The following PIK3CG variants were observed in gnomAD, a reference collection of about 807,000 sequenced individuals.
PIK3CG encodes the protein phosphatidylinositol-4,5-bisphosphate 3-kinase catalytic subunit gamma.
Under a neutral mutation model 102.3 loss-of-function variants are expected in PIK3CG, and 55 were observed. The observed-to-expected ratio is 0.54, with a 90% confidence interval of 0.43 to 0.67. The LOEUF is 0.67. Among genes scored for constraint, PIK3CG ranks in the 30% least tolerant of loss-of-function variants. PIK3CG has a pLI of 0.00. For synonymous variants in PIK3CG, 552 were observed against 540.0 expected, an observed-to-expected ratio of 1.02 and a Z score of -0.31; for missense variants, 1,258 against 1,391.8, an observed-to-expected ratio of 0.90 and a Z score of 1.53.
intron 10 of PIK3CG, among the ~76,000 whole-genome samples, chr7:106,889,104 T>C (rs1258346143): frequency 1.3e-5 from 2 of 152,106 alleles, no homozygotes; most frequent in Non-Finnish European, 2.9e-5. Flanking sequence ...AGGTAATATA[T>C]AAAACAAAGT....
In PIK3CG at chr7:106,895,347, A is replaced by G. The variant is rs376529812; in HGVS notation, c.3030+9055A>G. Among the ~76,000 whole-genome samples the G allele has an allele frequency of 3.1e-4, 47 of 152,218 alleles. No individual in the cohort carries two copies. Among genetic ancestry groups the G allele is most frequent in the Non-Finnish European group, 6.0e-4 (41 of 68,034 alleles). ...CCTGAGCTCCCCAGGCCACATCCTC[A>G]TAGTCCCTGAAACCACAGGCCTCTA... On this transcript the variant is annotated intron_variant, in intron 10 of 10. Transcript: ENST00000496166. The surrounding 1 kb of genome is among the most constrained non-coding windows in gnomAD (Gnocchi z 5.4).
In PIK3CG at chr7:106,903,910, C is replaced by G. The variant is rs1002876529; in HGVS notation, c.3031-1199C>G. 6.6e-6 allele frequency among the ~76,000 whole-genome samples: 1 copy of G among 151,946 alleles called. No homozygotes were observed. Among genetic ancestry groups the G allele is most frequent in the African/African-American group, 2.4e-5 (1 of 41,382 alleles). ...AGTAACTGGGATTACAGACACATGC[C>G]ACCACACCCAGCTAATTTTTTTGTA... On this transcript the variant is annotated intron_variant, in intron 10 of 10. Transcript: ENST00000496166. This position sits in a 1 kb window ranked among gnomAD's most constrained non-coding sequence, Gnocchi z 4.3.
rs763054776 is a variant in PIK3CG at position 106,880,284 on chromosome 7, T to A, written c.2538+619T>A. 7.2e-5 allele frequency among the ~76,000 whole-genome samples: 11 copies of A among 152,248 alleles called. No homozygotes were observed. The highest frequency in any genetic ancestry group is 1.5e-4 in the Non-Finnish European group (10 of 68,044). On this transcript the variant is annotated intron_variant, in intron 6 of 10. Transcript: ENST00000496166. This position sits in a 1 kb window ranked among gnomAD's most constrained non-coding sequence, Gnocchi z 4.2. The stretch of plus-strand genomic sequence containing the variant: ...TTCTCCAGATTCTAGTTGGTCAGTG[T>A]TGTAGAGGTAATAATTTCTAATACT...
chr7:106,903,175 T>TA lies in PIK3CG; in HGVS notation c.3031-1933dup, dbSNP rs1450584459. ...CTTGTCTTTTTGGGAGAAGACTACT[T>TA]ACTGGTTCGCACTGTTTTTAATAAT... is the stretch of plus-strand genomic sequence containing the variant. On this transcript the variant is annotated intron_variant, in intron 10 of 10. Coordinates refer to ENST00000496166, the MANE Select transcript of PIK3CG (RefSeq NM_001282426.2). This position sits in a 1 kb window ranked among gnomAD's most constrained non-coding sequence, Gnocchi z 4.3. 6.6e-6 allele frequency among the ~76,000 whole-genome samples: 1 copy of TA among 152,142 alleles called. No homozygotes were observed. Among genetic ancestry groups the TA allele is most frequent in the African/African-American group, 2.4e-5 (1 of 41,452 alleles).
At chr7:106,873,715 A>G (rs1047768534) in intron 4 of PIK3CG, among the ~76,000 whole-genome samples, 2 of 150,454 alleles carry the variant, frequency 1.3e-5, no homozygotes, top group Admixed American at 1.3e-4. Context: ...ACGACTCTGT[A>G]TCTGTGTGTG....
chr7:106,883,217 T>C lies in PIK3CG; in HGVS notation c.2760+54T>C. ...GGCTCCTTACAAGTTGTCATTTATA[T>C]AGCAGTAGTGGCTTCAAGTTTTCAG... On this transcript the variant is annotated intron_variant, in intron 8 of 10. Coordinates refer to ENST00000496166, the MANE Select transcript of PIK3CG (RefSeq NM_001282426.2). This position sits in a 1 kb window ranked among gnomAD's most constrained non-coding sequence, Gnocchi z 5.8. The C allele has an allele frequency of 6.3e-7, 1 of 1,591,492 alleles. No homozygotes were observed.
rs1294244609 is a variant in PIK3CG, at chr7:106,894,246, A to T, written c.3030+7954A>T. On this transcript the variant is annotated intron_variant, in intron 10 of 10. Transcript: ENST00000496166. The surrounding 1 kb of genome is among the most constrained non-coding windows in gnomAD (Gnocchi z 4.4). ...TTGGAACAAGGCTGAAGGATAAATCACACACACACACACAGACACACACAC... is the reference window on the plus strand; with the variant it reads ...TTGGAACAAGGCTGAAGGATAAATCTCACACACACACACAGACACACACAC... Among the ~76,000 whole-genome samples, 1 of 151,330 alleles carries T rather than the reference A, an allele frequency of 6.6e-6. No homozygotes were observed. The highest frequency in any genetic ancestry group is 1.9e-4 in the East Asian group (1 of 5,180).
rs2116433747 is a variant in PIK3CG, at chr7:106,868,213, A to T, written c.652A>T (p.Asn218Tyr). The change falls in exon 2 of 11, where the codon AAC becomes TAC. Residue 218 changes from asparagine (N) to tyrosine (Y), a missense_variant. This residue lies in a region of PIK3CG where 832 missense variants were observed against 787.5 expected (regional missense o/e 1.06). Coordinates refer to ENST00000496166, the MANE Select transcript of PIK3CG (RefSeq NM_001282426.2). The surrounding 1 kb of genome is among the most constrained non-coding windows in gnomAD (Gnocchi z 6.2). ...PEYLWKKIAN[N>Y]CIFIVIHRST... ...GTACCTGTGGAAGAAGATTGCCAAC[A>T]ACTGCATCTTCATCGTCATTCACCG... 1 of 1,612,512 alleles carries T rather than the reference A, an allele frequency of 6.2e-7. No individual in the cohort carries two copies. The highest frequency in any genetic ancestry group is 1.3e-5 in the African/African-American group (1 of 75,042).
chr7:106,875,811 T>C (rs1217290447), intron 5 of PIK3CG, among the ~76,000 whole-genome samples: 1 of 152,182 alleles, frequency 6.6e-6, no homozygotes, highest in African/African-American at 2.4e-5. Context: ...ATACCATTTT[T>C]CCAAAGTGGT....
At position 106,867,882 on chromosome 7, in the gene PIK3CG, C is replaced by G. The variant is rs1371998955; in HGVS notation, c.321C>G (p.Tyr107Ter). ...LLLYQKKGQW[Y>*]EIYDKYQVVQ... Reference sequence around the variant, plus strand: ...TCTATCAGAAGAAGGGGCAGTGGTACGAGATCTACGACAAGTACCAGGTGG... The same window carrying G: ...TCTATCAGAAGAAGGGGCAGTGGTAGGAGATCTACGACAAGTACCAGGTGG... The change falls in exon 2 of 11, where the codon TAC becomes TAG. Residue 107 changes from tyrosine to a stop codon, truncating the protein, a stop_gained. Coordinates refer to ENST00000496166, the MANE Select transcript of PIK3CG (RefSeq NM_001282426.2). LOFTEE classifies it high-confidence loss of function. This position sits in a 1 kb window ranked among gnomAD's most constrained non-coding sequence, Gnocchi z 5.1. The G allele has an allele frequency of 6.2e-7, 1 of 1,613,168 alleles. No homozygotes were observed.
rs1395798399 is a variant in PIK3CG, at chr7:106,883,170, T to C, written c.2760+7T>C. The C allele has an allele frequency of 6.2e-7, 1 of 1,614,014 alleles. No homozygotes were observed. Among genetic ancestry groups the C allele is most frequent in the South Asian group, 1.1e-5 (1 of 91,082 alleles). On this transcript the variant is annotated splice_region_variant and intron_variant, in intron 8 of 10. Transcript: ENST00000496166. This position sits in a 1 kb window ranked among gnomAD's most constrained non-coding sequence, Gnocchi z 5.8. The stretch of plus-strand genomic sequence containing the variant: ...ATCCCCTACTGAAGAAAAGGTGAGC[T>C]CATGCTTTTTCCCAGTCTAATGGCT...
Position 106,906,151 on chromosome 7 carries a change from C to G in PIK3CG, c.*764C>G, listed in dbSNP as rs896863954. ...TGGCAGCAGGAAGTAACTACAGGGC[C>G]TCTTTTATGCCTGACATTTCTTCCC... On this transcript the variant is annotated 3_prime_UTR_variant, in exon 11 of 11. Transcript: ENST00000496166. The G allele has an allele frequency of 8.8e-6, 2 of 228,268 alleles. No homozygotes were observed. Among genetic ancestry groups the G allele is most frequent in the Admixed American group, 5.7e-5 (1 of 17,396 alleles). 14.1% of individuals were successfully genotyped at this position (228,268 alleles called of 1,614,324 possible). A position where few individuals can be genotyped will look rare whatever the true frequency, so the allele number is the denominator to read the frequency against.
chr7:106,872,516 G>A lies in PIK3CG; in HGVS notation c.1996-21G>A. On this transcript the variant is annotated intron_variant, in intron 2 of 10. Coordinates refer to ENST00000496166, the MANE Select transcript of PIK3CG (RefSeq NM_001282426.2). This position sits in a 1 kb window ranked among gnomAD's most constrained non-coding sequence, Gnocchi z 5.3. ...CGACATAGAGTACAGTCCTACAAATGCCAATGTGTTCTTCCTTTAGGCTGT... is the reference window on the plus strand; with the variant it reads ...CGACATAGAGTACAGTCCTACAAATACCAATGTGTTCTTCCTTTAGGCTGT... 1 of 1,599,726 alleles carries A rather than the reference G, an allele frequency of 6.3e-7. No individual in the cohort carries two copies. The highest frequency in any genetic ancestry group is 8.6e-7 in the Non-Finnish European group (1 of 1,166,798).
In PIK3CG at chr7:106,884,153, A is replaced by C; in HGVS notation, c.2761-2A>C. ...ACTAATATTCAAATGCATTTTAATT[A>C]GTTTCAGGCAGCAGTGGAGAGATTT... On this transcript the variant is annotated splice_acceptor_variant, in intron 8 of 10. Transcript: ENST00000496166. LOFTEE classifies it high-confidence loss of function. This position sits in a 1 kb window ranked among gnomAD's most constrained non-coding sequence, Gnocchi z 4.2. The C allele has an allele frequency of 6.2e-7, 1 of 1,601,254 alleles. No homozygotes were observed. The highest frequency in any genetic ancestry group is 1.1e-5 in the South Asian group (1 of 90,376).
chr7:106,897,159 CT>C lies in PIK3CG; in HGVS notation c.3031-7943del, dbSNP rs1205278897. 1.3e-5 allele frequency among the ~76,000 whole-genome samples: 2 copies of C among 152,034 alleles called. No homozygotes were observed. The highest frequency in any genetic ancestry group is 4.8e-5 in the African/African-American group (2 of 41,398). ...GCAATTTTAAGTACTTTTTGTGAATCTTTTTTTATCAGTCCCCTATTGTAGG... is the reference window on the plus strand; with the variant it reads ...GCAATTTTAAGTACTTTTTGTGAATCTTTTTTATCAGTCCCCTATTGTAGG... On this transcript the variant is annotated intron_variant, in intron 10 of 10. Coordinates refer to ENST00000496166, the MANE Select transcript of PIK3CG (RefSeq NM_001282426.2). This position sits in a 1 kb window ranked among gnomAD's most constrained non-coding sequence, Gnocchi z 4.6.
chr7:106,895,886 C>A lies in PIK3CG; in HGVS notation c.3031-9223C>A, dbSNP rs1004049296. Among the ~76,000 whole-genome samples, 1 of 152,194 alleles carries A rather than the reference C, an allele frequency of 6.6e-6. No homozygotes were observed. The highest frequency in any genetic ancestry group is 2.4e-5 in the African/African-American group (1 of 41,442). On this transcript the variant is annotated intron_variant, in intron 10 of 10. Transcript: ENST00000496166. The surrounding 1 kb of genome is among the most constrained non-coding windows in gnomAD (Gnocchi z 5.4). ...CAGTAATAAAGCCAAAATTAGAATT[C>A]ATTCAGCTTGATGTGAATCTGTGTT...
At chr7:106,888,227 C>T (rs1791163225) in intron 10 of PIK3CG, among the ~76,000 whole-genome samples, 1 of 152,122 alleles carries the variant, frequency 6.6e-6, no homozygotes, top group South Asian at 2.1e-4. Context: ...GCGTGAGCCA[C>T]TGTGCCCAGC....
Position 106,890,741 on chromosome 7 carries a change from T to G in PIK3CG, c.3030+4449T>G, listed in dbSNP as rs1252543392. On this transcript the variant is annotated intron_variant, in intron 10 of 10. Transcript: ENST00000496166. This position sits in a 1 kb window ranked among gnomAD's most constrained non-coding sequence, Gnocchi z 4.2. Reference sequence around the variant, plus strand: ...TCCATGAGATGGTAGTTTGTCATTCTGAATAAAATCTAAATATCCAGGCTT... The same window carrying G: ...TCCATGAGATGGTAGTTTGTCATTCGGAATAAAATCTAAATATCCAGGCTT... 6.6e-6 allele frequency among the ~76,000 whole-genome samples: 1 copy of G among 152,248 alleles called. No individual in the cohort carries two copies. Among genetic ancestry groups the G allele is most frequent in the African/African-American group, 2.4e-5 (1 of 41,476 alleles).
At position 106,877,898 on chromosome 7, in the gene PIK3CG, G is replaced by A. The variant is rs141063275; in HGVS notation, c.2392-1621G>A. 2.9e-3 allele frequency among the ~76,000 whole-genome samples: 444 copies of A among 152,124 alleles called. 5 individuals carry two copies. Among genetic ancestry groups the A allele is most frequent in the African/African-American group, 0.01 (419 of 41,488 alleles). On this transcript the variant is annotated intron_variant, in intron 5 of 10. Coordinates refer to ENST00000496166, the MANE Select transcript of PIK3CG (RefSeq NM_001282426.2). This position sits in a 1 kb window ranked among gnomAD's most constrained non-coding sequence, Gnocchi z 4.5. ...TTCAACTTCTATATATGTTATAAATGGCACAATAAGTTACTATTTTTGCCC... is the reference window on the plus strand; with the variant it reads ...TTCAACTTCTATATATGTTATAAATAGCACAATAAGTTACTATTTTTGCCC...
Sources: gnomAD v4.1 joint callset for allele counts (sites outside exome capture counted in the v4.1 genomes callset) on GRCh38, gnomAD v4.1.1 for gene constraint, gnomAD v4.1.1 regional missense constraint, Gnocchi (gnomAD v3.1) non-coding constraint, MANE v1.5 for transcripts, NCBI Gene and HGNC (gene_info 2026-07-23, HGNC 2026-07-21) for gene names.